The following ACAD10 variants were observed in gnomAD, a reference collection of about 807,000 sequenced individuals.
ACAD10 encodes acyl-CoA dehydrogenase family member 10.
A neutral mutation model predicts 116.8 loss-of-function variants in ACAD10; 112 were observed. The observed-to-expected ratio is 0.96, with a 90% CI of 0.82 to 1.12. The LOEUF is 1.12. Ranked by LOEUF, ACAD10 falls within the 50% of genes most tolerant of loss-of-function variation. ACAD10 has a pLI of 0.00. For missense variants in ACAD10, 1,259 were observed against 1,350.2 expected (o/e 0.93, Z 1.06); for synonymous variants, 486 against 510.6 (o/e 0.95, Z 0.65).
intron 3 of ACAD10, among the ~76,000 whole-genome samples, chr12:111,704,281 A>G (rs1257249407): frequency 6.6e-6 from 1 of 151,910 alleles, no homozygotes; most frequent in Non-Finnish European, 1.5e-5. Context: ...AGCTGGGACT[A>G]CAGGCGTGTG....
chr12:111,693,036 G>A (rs755001921), intron 2 of ACAD10, 140 bp downstream of exon 2: 1 of 882,062 alleles, frequency 1.1e-6, no homozygotes, highest in Non-Finnish European at 1.7e-6. Context: ...CGAATTCCAA[G>A]CACCACTAGG....
chr12:111,732,035 C>T (rs1358185500), intron 10 of ACAD10, among the ~76,000 whole-genome samples: 2 of 151,870 alleles, frequency 1.3e-5, no homozygotes, highest in East Asian at 1.9e-4. Flanking sequence ...GAGCCAAGAC[C>T]GCACCACTGC....
chr12:111,748,849 T>C (rs1218057289), intron 17 of ACAD10: 3 of 751,730 alleles, frequency 4.0e-6, no homozygotes, highest in East Asian at 6.9e-5. Context: ...TCTCTGCTAA[T>C]AGTGTTCACA....
intron 4 of ACAD10, 64 bp downstream of exon 4, chr12:111,705,996 T>G: frequency 6.5e-7 from 1 of 1,539,668 alleles, no homozygotes; most frequent in Non-Finnish European, 8.9e-7. Context: ...GGGTGCAATG[T>G]TAAATGCTAT....
Position 111,756,804 on chromosome 12 carries a change from G to C in ACAD10, c.*331G>C. 2.0e-6 allele frequency: 1 copy of C among 492,406 alleles called. No individual in the cohort carries two copies. The highest frequency in any genetic ancestry group is 4.0e-6 in the Non-Finnish European group (1 of 251,232). 30.5% of individuals were successfully genotyped at this position (492,406 alleles called of 1,614,324 possible). A position where few individuals can be genotyped will look rare whatever the true frequency, so the allele number is the denominator to read the frequency against. ...TCAGCCTTTCAGTCCCTCTCTCTCT[G>C]CCTGTGGGAATCTGGACACATTTTG... On this transcript the variant is annotated 3_prime_UTR_variant, in exon 21 of 21. Transcript: ENST00000313698.
intron 4 of ACAD10, among the ~76,000 whole-genome samples, chr12:111,706,545 GT>G (rs1190263043): frequency 2.6e-5 from 4 of 152,030 alleles, no homozygotes; most frequent in African/African-American, 9.6e-5. Context: ...TGCTTCCCAG[GT>G]TCAAGTGATT....
intron 8 of ACAD10, among the ~76,000 whole-genome samples, chr12:111,725,829 C>T (rs1230712044): frequency 1.3e-5 from 2 of 151,988 alleles, no homozygotes; most frequent in South Asian, 2.1e-4. Context: ...CCACTGCACC[C>T]GGCCGACATT....
At chr12:111,717,318 G>T (rs547584349) in intron 7 of ACAD10, among the ~76,000 whole-genome samples, 1 of 143,346 alleles carries the variant, frequency 7.0e-6, no homozygotes, top group South Asian at 2.2e-4. Context: ...AGATCGTACC[G>T]CTGCACTCAC....
intron 2 of ACAD10, among the ~76,000 whole-genome samples, chr12:111,699,355 A>G (rs1366938511): frequency 2.0e-5 from 3 of 152,188 alleles, no homozygotes; most frequent in Non-Finnish European, 2.9e-5. Context: ...AAAAGAGCAT[A>G]AAATACAGAT....
intron 8 of ACAD10, among the ~76,000 whole-genome samples, chr12:111,723,444 C>T (rs1417160350): frequency 2.3e-4 from 31 of 134,392 alleles, no homozygotes; most frequent in Admixed American, 1.4e-3. Flanking sequence ...CCCTCCTGGA[C>T]GGGGCAGCTG....
rs1889992071 is a variant in ACAD10, at chr12:111,748,930, CATT to C, written c.2645-237_2645-235del. ...CACTAGGAGCTTCAGCTTAAGGTGGCATTATTATGTTTTTATAAAAGGAATCAC... is the reference window on the plus strand; with the variant it reads ...CACTAGGAGCTTCAGCTTAAGGTGGCATTATGTTTTTATAAAAGGAATCAC... On this transcript the variant is annotated intron_variant, in intron 17 of 20. Coordinates refer to ENST00000313698, the MANE Select transcript of ACAD10 (RefSeq NM_025247.6). 3.7e-6 allele frequency: 5 copies of C among 1,345,166 alleles called. 1 individual carries two copies. The highest frequency in any genetic ancestry group is 3.7e-4 in the Middle Eastern group (2 of 5,462). The allele number at this position is 1,345,166 out of a possible 1,614,324, so 83.3% of individuals were successfully genotyped here.
intron 4 of ACAD10, among the ~76,000 whole-genome samples, chr12:111,706,782 A>ATATATATTTTTTTTTTT (rs778649893): frequency 7.9e-6 from 1 of 126,500 alleles, no homozygotes; most frequent in African/African-American, 3.2e-5. Context: ...ATATATATAT[A>ATATATATTTTTTTTTTT]TTTTTTTTTT....
intron 2 of ACAD10, among the ~76,000 whole-genome samples, chr12:111,700,201 T>C (rs1190734946): frequency 6.6e-6 from 1 of 152,090 alleles, no homozygotes. Context: ...AAAAAATAGA[T>C]AGGAGACAGA....
intron 18 of ACAD10, among the ~76,000 whole-genome samples, chr12:111,752,271 A>G (rs1890092660): frequency 6.6e-6 from 1 of 151,574 alleles, no homozygotes; most frequent in Non-Finnish European, 1.5e-5. Flanking sequence ...TTGATGCAAA[A>G]TAATGTTTTG....
At chr12:111,755,020 T>G (rs1003093160) in intron 19 of ACAD10, among the ~76,000 whole-genome samples, 5 of 152,196 alleles carry the variant, frequency 3.3e-5, no homozygotes, top group Non-Finnish European at 7.3e-5. Flanking sequence ...GGCCTCTGTT[T>G]TGGACGGTGG....
Position 111,747,818 on chromosome 12 carries a change from T to G in ACAD10, c.2485+433T>G. On this transcript the variant is annotated intron_variant, in intron 16 of 20. Coordinates refer to ENST00000313698, the MANE Select transcript of ACAD10 (RefSeq NM_025247.6). ...GGCCCCTACAAGTAGCCGTGGAGCT[T>G]ACCTCCCGGAGCCCATACCTCCCTG... 6.2e-6 allele frequency: 6 copies of G among 964,328 alleles called. No individual in the cohort carries two copies. In the South Asian group the frequency reaches 2.5e-4, roughly 41 times the overall value. 59.7% of individuals were successfully genotyped at this position (964,328 alleles called of 1,614,324 possible). A position where few individuals can be genotyped will look rare whatever the true frequency, so the allele number is the denominator to read the frequency against.
At chr12:111,742,017 G>A (rs546918186) in intron 12 of ACAD10, among the ~76,000 whole-genome samples, 1 of 152,064 alleles carries the variant, frequency 6.6e-6, no homozygotes, top group Non-Finnish European at 1.5e-5. Flanking sequence ...TTAATAAGTG[G>A]GTGCAGAAAT....
intron 16 of ACAD10, 126 bp downstream of exon 16, chr12:111,747,511 C>T (rs958400133): frequency 1.8e-5 from 27 of 1,525,696 alleles, no homozygotes; most frequent in Middle Eastern, 2.0e-4. Context: ...TGTCACTTAG[C>T]GCCCCCAGCA....
intron 2 of ACAD10, among the ~76,000 whole-genome samples, chr12:111,697,185 G>A (rs1204660588): frequency 1.3e-5 from 2 of 151,758 alleles, no homozygotes; most frequent in Non-Finnish European, 2.9e-5. Flanking sequence ...AGGTTGCAGT[G>A]AGCCAAGATA....
Sources: allele counts gnomAD v4.1 joint callset (sites outside exome capture counted in the v4.1 genomes callset), GRCh38; gene constraint gnomAD v4.1.1; transcripts MANE v1.5; gene names NCBI Gene and HGNC (gene_info 2026-07-23, HGNC 2026-07-21).